The following RAPGEF4 variants were observed in gnomAD, a reference collection of about 807,000 sequenced individuals.
The protein encoded by RAPGEF4 is RAP guanine-nucleotide-exchange factor (GEF) 4.
A neutral mutation model predicts 147.9 loss-of-function variants in RAPGEF4; 66 were observed. That is an observed-to-expected ratio of 0.45 (90% CI 0.37 to 0.55). RAPGEF4 has a LOEUF of 0.55. Ranked by LOEUF, RAPGEF4 falls within the 20% of genes least tolerant of loss-of-function variation. The pLI is 0.00. For synonymous variants in RAPGEF4, 419 were observed against 442.7 expected, an observed-to-expected ratio of 0.95 and a Z score of 0.67; for missense variants, 1,071 against 1,257.3, an observed-to-expected ratio of 0.85 and a Z score of 2.24.
intron 10 of RAPGEF4, 115 bp downstream of exon 10, chr2:172,967,559 C>A (rs1689982834): frequency 2.8e-6 from 3 of 1,088,488 alleles, no homozygotes; most frequent in African/African-American, 1.6e-5. Flanking sequence ...CCCCATGGAA[C>A]AAAAGGGAGC....
intron 4 of RAPGEF4, among the ~76,000 whole-genome samples, chr2:172,916,428 A>G (rs1393174352): frequency 6.6e-6 from 1 of 152,202 alleles, no homozygotes; most frequent in African/African-American, 2.4e-5. Context: ...ACAGTCCAGC[A>G]TAATATGAAG....
intron 30 of RAPGEF4, among the ~76,000 whole-genome samples, chr2:173,051,158 A>G (rs1686187369): frequency 6.6e-6 from 1 of 152,240 alleles, no homozygotes; most frequent in African/African-American, 2.4e-5. Flanking sequence ...GTGTGCAAGT[A>G]AAGAGGGGAG....
chr2:173,026,660 C>T lies in RAPGEF4; in HGVS notation c.2342C>T (p.Thr781Ile). Residue 781 changes from threonine to isoleucine, a missense_variant, in exon 24 of 31, where the codon ACA becomes ATA. By Grantham distance (89) the Thr-to-Ile change is moderately conservative. Transcript: ENST00000397081. The stretch of plus-strand genomic sequence containing the variant: ...TCCAAAGATTTAGCATACCAGATGA[C>T]AATTTATGATTGGGAACTCTTCAAC... ...MSSKDLAYQM[T>I]IYDWELFNCV... The T allele has an allele frequency of 6.2e-7, 1 of 1,614,012 alleles. No individual in the cohort carries two copies. The highest frequency in any genetic ancestry group is 8.5e-7 in the Non-Finnish European group (1 of 1,179,952).
chr2:172,931,178 G>GGT (rs1164910181), intron 6 of RAPGEF4, among the ~76,000 whole-genome samples: 1 of 106,646 alleles, frequency 9.4e-6, no homozygotes, highest in African/African-American at 3.4e-5. Context: ...GGGGTGGGGG[G>GGT]GGGGGGCGCT....
At chr2:173,030,570 G>A (rs1254638333) in intron 26 of RAPGEF4, among the ~76,000 whole-genome samples, 10 of 152,216 alleles carry the variant, frequency 6.6e-5, no homozygotes. Flanking sequence ...GACTTCATAA[G>A]TTTGCTCATA....
At chr2:172,771,109 A>G (rs928365963) in intron 1 of RAPGEF4, among the ~76,000 whole-genome samples, 16 of 151,906 alleles carry the variant, frequency 1.1e-4, no homozygotes, top group African/African-American at 2.4e-4. Context: ...AAATTTTAAC[A>G]TATTTATTGT....
At chr2:172,957,363 C>T (rs539350037) in intron 6 of RAPGEF4, among the ~76,000 whole-genome samples, 1 of 152,286 alleles carries the variant, frequency 6.6e-6, no homozygotes, top group East Asian at 1.9e-4. Flanking sequence ...TACTTGAAAA[C>T]CAAGGGAAAC....
intron 1 of RAPGEF4, among the ~76,000 whole-genome samples, chr2:172,785,950 G>A (rs779776106): frequency 4.3e-4 from 65 of 152,136 alleles, no homozygotes; most frequent in Non-Finnish European, 7.4e-4. Context: ...ACTCTCCACG[G>A]TAAAGGGTTT....
chr2:173,036,025 CT>C, intron 27 of RAPGEF4, 99 bp from the exon 28 acceptor site: 2 of 877,362 alleles, frequency 2.3e-6, no homozygotes. Context: ...CAAAGGTCAA[CT>C]GTACCTGATT....
At chr2:172,955,212 T>C (rs139848570) in intron 6 of RAPGEF4, among the ~76,000 whole-genome samples, 1 of 152,242 alleles carries the variant, frequency 6.6e-6, no homozygotes, top group South Asian at 2.1e-4. Flanking sequence ...CAGTGCCTTA[T>C]ACCTCATTAT....
intron 1 of RAPGEF4, among the ~76,000 whole-genome samples, chr2:172,739,797 C>G (rs903911063): frequency 1.3e-5 from 2 of 152,186 alleles, no homozygotes; most frequent in Non-Finnish European, 2.9e-5. Context: ...GGACAGGGAC[C>G]ATACACATTC....
chr2:172,956,344 TACA>T (rs1456681633), intron 6 of RAPGEF4, among the ~76,000 whole-genome samples: 2 of 152,180 alleles, frequency 1.3e-5, no homozygotes, highest in African/African-American at 4.8e-5. Context: ...TTGTGGTAAA[TACA>T]ATGAATGGTT....
At chr2:172,848,298 C>T (rs1692428539) in intron 4 of RAPGEF4, among the ~76,000 whole-genome samples, 1 of 152,152 alleles carries the variant, frequency 6.6e-6, no homozygotes, top group Non-Finnish European at 1.5e-5. Context: ...TCTTCCCCCG[C>T]CAGCCCCTTC....
At chr2:172,871,783 G>A (rs1343025124) in intron 4 of RAPGEF4, among the ~76,000 whole-genome samples, 1 of 151,958 alleles carries the variant, frequency 6.6e-6, no homozygotes, top group Non-Finnish European at 1.5e-5. Flanking sequence ...TTGAGAAGCT[G>A]CTATTTTCAA....
At chr2:172,757,875 A>G (rs77616712) in intron 1 of RAPGEF4, among the ~76,000 whole-genome samples, 3,379 of 152,334 alleles carry the variant, frequency 0.022, 58 homozygotes, top group African/African-American at 0.041. Flanking sequence ...AACACCTTCT[A>G]GGTGCTTAGA....
intron 10 of RAPGEF4, among the ~76,000 whole-genome samples, chr2:172,973,171 GGGGTGATCTCA>G (rs1690692162): frequency 6.6e-6 from 1 of 150,634 alleles, no homozygotes; most frequent in Non-Finnish European, 1.5e-5. Context: ...GGAGTGCAGT[GGGGTGATCTCA>G]GTTCACTGCA....
At position 172,939,975 on chromosome 2, in the gene RAPGEF4, A is replaced by AT. The variant is rs1686987823; in HGVS notation, c.537+17677dup. ...ATTTTTGGACTTCACATTCTGTTCC[A>AT]TTCATCTACATGTCTGTTCATTCAC... On this transcript the variant is annotated intron_variant, in intron 6 of 30. Transcript: ENST00000397081. Among the ~76,000 whole-genome samples the AT allele has an allele frequency of 2.0e-5, 3 of 152,174 alleles. No homozygotes were observed. In the South Asian group the frequency reaches 6.2e-4, roughly 32 times the overall value.
intron 17 of RAPGEF4, among the ~76,000 whole-genome samples, chr2:173,003,908 G>A (rs1479382740): frequency 6.6e-6 from 1 of 152,136 alleles, no homozygotes; most frequent in Non-Finnish European, 1.5e-5. Context: ...GGGATATTAG[G>A]GATAGTAAAA....
chr2:172,804,591 C>A (rs964377263), intron 3 of RAPGEF4, among the ~76,000 whole-genome samples: 2 of 152,142 alleles, frequency 1.3e-5, no homozygotes, highest in African/African-American at 4.8e-5. Context: ...TGAGCCCATC[C>A]AGCATTCTGC....
Sources: allele counts gnomAD v4.1 joint callset (sites outside exome capture counted in the v4.1 genomes callset), GRCh38; gene constraint gnomAD v4.1.1; transcripts MANE v1.5; gene names NCBI Gene and HGNC (gene_info 2026-07-23, HGNC 2026-07-21).